DNAH17: variants seen among roughly 807,000 people sequenced by gnomAD.
DNAH17 encodes the protein axonemal beta dynein heavy chain 17.
DNAH17 carries 376 observed loss-of-function variants against 485.6 expected under a neutral mutation model. The ratio of observed to expected loss-of-function variants is 0.77; its 90% confidence interval spans 0.71 to 0.84. The LOEUF (loss-of-function observed/expected upper bound fraction) is 0.84. Ranked by LOEUF, DNAH17 falls within the 40% of genes least tolerant of loss-of-function variation. The pLI is 0.00. For missense variants in DNAH17, 6,370 were observed against 5,839.3 expected (o/e 1.09, Z -2.96); for synonymous variants, 3,031 against 2,405.9 (o/e 1.26, Z -7.60).
chr17:78,450,479 G>T, intron 67 of DNAH17, 85 bp from the exon 68 acceptor site: 1 of 1,548,884 alleles, frequency 6.5e-7, no homozygotes. Context: ...CACCAGCCTC[G>T]CTCCCTGGGA....
In DNAH17 at chr17:78,478,921, C is replaced by T. The variant is rs999176489; in HGVS notation, c.7992+104G>A. ...ATCATTATCATTACCACCATCACCA[C>T]CATCATCAGTCCACACCTCCCTGAG... is the stretch of plus-strand genomic sequence containing the variant. On this transcript the variant is annotated intron_variant, in intron 51 of 80. Coordinates refer to ENST00000389840, the MANE Select transcript of DNAH17 (RefSeq NM_173628.4). The T allele has an allele frequency of 9.2e-6, 8 of 871,854 alleles. No homozygotes were observed. In the African/African-American group the frequency reaches 1.2e-4, roughly 13 times the overall value. 54.0% of individuals were successfully genotyped at this position (871,854 alleles called of 1,614,324 possible).
chr17:78,425,438 A>G lies in DNAH17; in HGVS notation c.13049T>C (p.Met4350Thr). 1 of 1,613,896 alleles carries G rather than the reference A, an allele frequency of 6.2e-7. No homozygotes were observed. The highest frequency in any genetic ancestry group is 8.5e-7 in the Non-Finnish European group (1 of 1,179,874). Residue 4350 changes from methionine to threonine, a missense_variant, in exon 80 of 81, where the codon ATG becomes ACG. Met to Thr is a moderately conservative substitution (Grantham distance 81). Transcript: ENST00000389840. Reference protein sequence around the residue: ...ARKNEWPLDKMCLSVEVTKKN... With the variant: ...ARKNEWPLDKTCLSVEVTKKN... ...CTTGGTCACCTCGACAGACAGACAC[A>G]TCTTGTCCAGGGGCCACTCGTTCTT...
Position 78,458,600 on chromosome 17 carries a change from G to A in DNAH17, c.9942C>T (p.Ala3314=), listed in dbSNP as rs35670567. Residue 3314 remains alanine, a synonymous_variant, in exon 62 of 81, where the codon GCC becomes GCT. Coordinates refer to ENST00000389840, the MANE Select transcript of DNAH17 (RefSeq NM_173628.4). The part of the protein sequence containing the change: ...TAEKIKCQQE[A]DATNRVILLA... ...GTAAGATCACCCTGTTCGTGGCATC[G>A]GCCTCTTGCTGACACTTGATTTTCT... The A allele has an allele frequency of 2.5e-3, 3,965 of 1,613,966 alleles. 79 individuals carry two copies. In the African/African-American group the frequency reaches 0.044, roughly 18 times the overall value.
chr17:78,449,402 G>A lies in DNAH17; in HGVS notation c.11211+12C>T. 4 of 1,547,236 alleles carry A rather than the reference G, an allele frequency of 2.6e-6. No individual in the cohort carries two copies. Among genetic ancestry groups the A allele is most frequent in the Non-Finnish European group, 3.5e-6 (4 of 1,144,534 alleles). On this transcript the variant is annotated intron_variant, in intron 69 of 80. Transcript: ENST00000389840. ...CACGGACCACACTAGGAACAGTGAG[G>A]CTAGACATTACCTGAAACGTAACTT...
intron 69 of DNAH17, among the ~76,000 whole-genome samples, chr17:78,446,424 C>T (rs2087303288): frequency 6.6e-6 from 1 of 151,998 alleles, no homozygotes; most frequent in African/African-American, 2.4e-5. Flanking sequence ...ACACGACATG[C>T]CCCGTTTGCA....
At chr17:78,537,588 A>C (rs1298999450) in intron 18 of DNAH17, 107 bp from the exon 19 acceptor site, 1 of 1,287,154 alleles carries the variant, frequency 7.8e-7, no homozygotes, top group Non-Finnish European at 1.1e-6. Flanking sequence ...ACTGCCTTCC[A>C]CTTATCTGGG....
At chr17:78,429,054 G>A in intron 76 of DNAH17, 67 bp downstream of exon 76, 2 of 1,529,302 alleles carry the variant, frequency 1.3e-6, no homozygotes, top group South Asian at 1.2e-5. Flanking sequence ...CATTTGTGCT[G>A]GCAGGCTCTC....
intron 16 of DNAH17, among the ~76,000 whole-genome samples, chr17:78,549,594 T>A (rs1363608997): frequency 6.6e-6 from 1 of 152,098 alleles, no homozygotes; most frequent in African/African-American, 2.4e-5. Context: ...AGCAAATACT[T>A]TGTGGTTTAG....
chr17:78,475,850 A>G lies in DNAH17; in HGVS notation c.8155-17T>C. The G allele has an allele frequency of 6.2e-7, 1 of 1,606,178 alleles. No individual in the cohort carries two copies. The highest frequency in any genetic ancestry group is 8.5e-7 in the Non-Finnish European group (1 of 1,177,750). On this transcript the variant is annotated splice_polypyrimidine_tract_variant and intron_variant, in intron 52 of 80. Coordinates refer to ENST00000389840, the MANE Select transcript of DNAH17 (RefSeq NM_173628.4). ...ACCAAGATCCTAGAAAAAGAAAAAA[A>G]AAGACGATACTTCCGGTTTTTGCCA...
chr17:78,506,873 G>A (rs751069414), intron 29 of DNAH17, 27 bp from the exon 30 acceptor site: 11 of 1,613,672 alleles, frequency 6.8e-6, no homozygotes, highest in South Asian at 6.6e-5. Context: ...AAGTAGAGGA[G>A]GCCGGTGACC....
At chr17:78,511,889 C>T (rs1301987416) in intron 26 of DNAH17, among the ~76,000 whole-genome samples, 3 of 152,232 alleles carry the variant, frequency 2.0e-5, no homozygotes, top group African/African-American at 4.8e-5. Context: ...ACCAGGCATC[C>T]GGGAAATTTT....
rs774210511 is a variant in DNAH17 at position 78,495,013 on chromosome 17, C to T, written c.5988G>A (p.Leu1996=). The T allele has an allele frequency of 6.2e-7, 1 of 1,612,952 alleles. No individual in the cohort carries two copies. Among genetic ancestry groups the T allele is most frequent in the Admixed American group, 1.7e-5 (1 of 59,882 alleles). ...TGTACAGGGTGATGAACTTCCTGGCCAGAAGGCGGGCTTCCAGAAAGCCCT... is the reference window on the plus strand; with the variant it reads ...TGTACAGGGTGATGAACTTCCTGGCTAGAAGGCGGGCTTCCAGAAAGCCCT... ...MAEGFLEARL[L]ARKFITLYTL... The change falls in exon 39 of 81, where the codon CTG becomes CTA. Residue 1996 remains leucine, a synonymous_variant. Coordinates refer to ENST00000389840, the MANE Select transcript of DNAH17 (RefSeq NM_173628.4).
intron 62 of DNAH17, 66 bp downstream of exon 62, chr17:78,458,499 T>G: frequency 7.3e-7 from 1 of 1,371,798 alleles, no homozygotes; most frequent in Non-Finnish European, 1.0e-6. Context: ...CCCAAGGCAG[T>G]TGTGTGGGCT....
chr17:78,433,981 G>GAGGGAAGGAGGA, intron 75 of DNAH17, 48 bp downstream of exon 75: 3 of 1,479,086 alleles, frequency 2.0e-6, no homozygotes, highest in Non-Finnish European at 2.8e-6. Context: ...GGGAAGGAGG[G>GAGGGAAGGAGGA]AAAGAGGGAG....
chr17:78,480,868 C>T, intron 48 of DNAH17, 82 bp from the exon 49 acceptor site: 1 of 922,444 alleles, frequency 1.1e-6, no homozygotes, highest in Non-Finnish European at 1.7e-6. Flanking sequence ...CCAAGAATGC[C>T]CTCCTTATTA....
chr17:78,428,188 G>A (rs1191891980), intron 77 of DNAH17: 1 of 394,972 alleles, frequency 2.5e-6, no homozygotes, highest in African/African-American at 2.1e-5. Flanking sequence ...GCCAGGCCAG[G>A]GTGGGGAATG....
At chr17:78,485,143 G>T in intron 47 of DNAH17, 110 bp from the exon 48 acceptor site, 1 of 1,384,588 alleles carries the variant, frequency 7.2e-7, no homozygotes, top group Non-Finnish European at 9.5e-7. Context: ...GGACCTGGCT[G>T]GGATCCAAGT....
At chr17:78,425,858 C>T (rs1416237564) in intron 79 of DNAH17, among the ~76,000 whole-genome samples, 5 of 151,010 alleles carry the variant, frequency 3.3e-5, no homozygotes, top group African/African-American at 9.8e-5. Context: ...CTCCGCCTCC[C>T]GGGTTCAAGC....
chr17:78,479,439 C>G, intron 50 of DNAH17, 46 bp downstream of exon 50: 2 of 1,561,440 alleles, frequency 1.3e-6, no homozygotes, highest in Non-Finnish European at 1.7e-6. Context: ...GCCCACAGAG[C>G]CATAGGTTTT....
Sources: allele counts gnomAD v4.1 joint callset (sites outside exome capture counted in the v4.1 genomes callset), GRCh38; gene constraint gnomAD v4.1.1; transcripts MANE v1.5; gene names NCBI Gene and HGNC (gene_info 2026-07-23, HGNC 2026-07-21).